Variants in EFR3A observed in about 807,000 individuals in gnomAD.
EFR3A encodes EFR3 homolog A.
Under a neutral mutation model 104.4 loss-of-function variants are expected in EFR3A, and 76 were observed. The ratio of observed to expected loss-of-function variants is 0.73; its 90% confidence interval spans 0.60 to 0.88. EFR3A has a LOEUF of 0.88. EFR3A is among the 40% of genes least tolerant of loss of function. The pLI is 0.00. For synonymous variants in EFR3A, 330 were observed against 330.0 expected (o/e 1.00, Z 0.00); for missense variants, 985 against 1,012.5 (o/e 0.97, Z 0.37).
rs374784752 is a variant in EFR3A, at chr8:131,941,076, A to G, written c.87+501A>G. Among the ~76,000 whole-genome samples the G allele has an allele frequency of 6.4e-4, 98 of 152,264 alleles. 1 individual carries two copies. In the South Asian group the frequency reaches 0.02, roughly 31 times the overall value. On this transcript the variant is annotated intron_variant, in intron 2 of 22. Transcript: ENST00000254624. The stretch of plus-strand genomic sequence containing the variant: ...TACCCAATTTGGGTTGAGGAGAAGA[A>G]AGCCTGGAGGAAATAAAATCTAAGC...
At chr8:131,950,198 C>A in intron 5 of EFR3A, 108 bp downstream of exon 5, 2 of 1,176,436 alleles carry the variant, frequency 1.7e-6, no homozygotes, top group Non-Finnish European at 1.2e-6. Flanking sequence ...GCCTGAAATA[C>A]GGCTTTCCAT....
At chr8:131,968,501 G>C in intron 9 of EFR3A, 71 bp downstream of exon 9, 2 of 1,415,904 alleles carry the variant, frequency 1.4e-6, no homozygotes, top group South Asian at 2.8e-5. Flanking sequence ...ATGCATAGCA[G>C]TGTATGAAGA....
chr8:131,994,848 G>A (rs775050466), intron 18 of EFR3A, among the ~76,000 whole-genome samples: 9 of 152,114 alleles, frequency 5.9e-5, no homozygotes, highest in Non-Finnish European at 8.8e-5. Context: ...AAGTATTTAT[G>A]GAGTACTTAC....
chr8:131,921,107 T>C (rs1816998140), intron 1 of EFR3A, among the ~76,000 whole-genome samples: 2 of 152,180 alleles, frequency 1.3e-5, no homozygotes, highest in African/African-American at 4.8e-5. Context: ...GAATTTGGTG[T>C]ATTAGTTTGC....
chr8:131,984,971 C>A lies in EFR3A; in HGVS notation c.1780C>A (p.Arg594Ser). The A allele has an allele frequency of 6.2e-7, 1 of 1,613,370 alleles. No individual in the cohort carries two copies. Among genetic ancestry groups the A allele is most frequent in the Non-Finnish European group, 8.5e-7 (1 of 1,179,490 alleles). The change falls in exon 16 of 23, where the codon CGT becomes AGT. Residue 594 changes from arginine to serine, a missense_variant. Transcript: ENST00000254624. ...TGAGGATAATTTGCCAATGTTCCAT[C>A]GTTGTGGAATCATGGCACTGGTTGC... ...INEDNLPMFH[R>S]CGIMALVAAY...
At chr8:132,004,087 T>C (rs183213864) in intron 22 of EFR3A, among the ~76,000 whole-genome samples, 18 of 152,332 alleles carry the variant, frequency 1.2e-4, no homozygotes, top group Non-Finnish European at 2.6e-4. Flanking sequence ...GTTTCAGTCT[T>C]TTTTCTGCTT....
At position 131,944,680 on chromosome 8, in the gene EFR3A, C is replaced by A; in HGVS notation, c.88-65C>A. On this transcript the variant is annotated intron_variant, in intron 2 of 22. Transcript: ENST00000254624. The stretch of plus-strand genomic sequence containing the variant: ...CCAGAAAGGGAAATTGTAAAGCAGG[C>A]AACACTTAAAAATATAATAAGCATG... 2.8e-6 allele frequency: 4 copies of A among 1,439,278 alleles called. No homozygotes were observed. The South Asian group carries it at 4.2e-5, about 15-fold the overall frequency. 89.2% of individuals were successfully genotyped at this position (1,439,278 alleles called of 1,614,324 possible).
chr8:131,996,258 C>A, intron 18 of EFR3A, 148 bp from the exon 19 acceptor site: 2 of 491,346 alleles, frequency 4.1e-6, no homozygotes, highest in Middle Eastern at 5.3e-4. Context: ...TCCGAGAACA[C>A]GCTGCTTTTA....
At chr8:131,956,497 A>G (rs1819001666) in intron 7 of EFR3A, among the ~76,000 whole-genome samples, 1 of 152,178 alleles carries the variant, frequency 6.6e-6, no homozygotes, top group South Asian at 2.1e-4. Flanking sequence ...TTCTGACTCA[A>G]TCACCAGATG....
Position 131,940,536 on chromosome 8 carries a change from C to A in EFR3A, c.48C>A (p.Tyr16Ter). The stretch of plus-strand genomic sequence containing the variant: ...GCTGTTCCGCTTTGCGTCCTCGCTA[C>A]AAACGCCTGGTGGACAACATATTCC... ...CCCCSALRPR[Y>*]KRLVDNIFPE... The change falls in exon 2 of 23, where the codon TAC becomes TAA. Residue 16 changes from tyrosine (Y) to a stop codon, truncating the protein, a stop_gained. Coordinates refer to ENST00000254624, the MANE Select transcript of EFR3A (RefSeq NM_015137.6). LOFTEE classifies it high-confidence loss of function. 1 of 1,608,248 alleles carries A rather than the reference C, an allele frequency of 6.2e-7. No individual in the cohort carries two copies. The highest frequency in any genetic ancestry group is 8.5e-7 in the Non-Finnish European group (1 of 1,177,654).
At chr8:132,000,082 TA>T (rs770648157) in intron 19 of EFR3A, among the ~76,000 whole-genome samples, 3 of 151,638 alleles carry the variant, frequency 2.0e-5, no homozygotes, top group East Asian at 3.9e-4. Flanking sequence ...AAGGAGACAT[TA>T]AAAAAAAGAA....
chr8:131,908,665 A>C (rs1319723170), intron 1 of EFR3A, among the ~76,000 whole-genome samples: 6 of 152,202 alleles, frequency 3.9e-5, no homozygotes, highest in African/African-American at 1.4e-4. Flanking sequence ...TGTTATTGCA[A>C]CTAGATGGGT....
At chr8:131,931,894 C>A (rs1385223392) in intron 1 of EFR3A, among the ~76,000 whole-genome samples, 2 of 152,038 alleles carry the variant, frequency 1.3e-5, no homozygotes, top group Non-Finnish European at 2.9e-5. Flanking sequence ...TACCTTTAGA[C>A]ATGTTCCAAT....
At chr8:131,971,108 T>C (rs1459624313) in intron 10 of EFR3A, among the ~76,000 whole-genome samples, 2 of 152,234 alleles carry the variant, frequency 1.3e-5, no homozygotes, top group East Asian at 3.8e-4. Flanking sequence ...TACTTTTTAA[T>C]ATAACCAGAG....
chr8:131,931,609 A>G lies in EFR3A; in HGVS notation c.11-8890A>G, dbSNP rs1817615838. On this transcript the variant is annotated intron_variant, in intron 1 of 22. Coordinates refer to ENST00000254624, the MANE Select transcript of EFR3A (RefSeq NM_015137.6). ...GGAACCAGTTGTATGAATATTTGCA[A>G]ATTTCACAATGCCTTATATGTAGTA... Among the ~76,000 whole-genome samples the G allele has an allele frequency of 2.6e-5, 4 of 152,216 alleles. No homozygotes were observed. The South Asian group carries it at 8.3e-4, about 32-fold the overall frequency.
intron 22 of EFR3A, among the ~76,000 whole-genome samples, chr8:132,004,356 C>A (rs532501377): frequency 6.6e-6 from 1 of 152,318 alleles, no homozygotes; most frequent in Admixed American, 6.5e-5. Context: ...GTCTGAGCTC[C>A]GCTTCCTGTC....
chr8:131,981,814 G>T (rs142799866), intron 14 of EFR3A, among the ~76,000 whole-genome samples: 1 of 151,820 alleles, frequency 6.6e-6, no homozygotes, highest in Non-Finnish European at 1.5e-5. Flanking sequence ...TTTGAAAAAC[G>T]GTTCCAGGGC....
At chr8:131,993,375 A>T (rs1586665457) in intron 18 of EFR3A, among the ~76,000 whole-genome samples, 1 of 151,998 alleles carries the variant, frequency 6.6e-6, no homozygotes, top group South Asian at 2.1e-4. Context: ...TTGTTACAGA[A>T]CCCCTCCTAA....
intron 8 of EFR3A, among the ~76,000 whole-genome samples, chr8:131,967,039 G>A (rs4301436): frequency 0.86 from 131,246 of 152,114 alleles, 56,746 homozygotes; most frequent in East Asian, 0.94. Flanking sequence ...CATTTGGACA[G>A]TAAATCAAAT....
Sources: allele counts gnomAD v4.1 joint callset (sites outside exome capture counted in the v4.1 genomes callset), GRCh38; gene constraint gnomAD v4.1.1; transcripts MANE v1.5; gene names NCBI Gene and HGNC (gene_info 2026-07-23, HGNC 2026-07-21).